Variants in TSKS observed in about 807,000 individuals in gnomAD.
TSKS encodes the protein testis specific serine kinase substrate.
A neutral mutation model predicts 68.0 loss-of-function variants in TSKS; 27 were observed. The ratio of observed to expected loss-of-function variants is 0.40; its 90% confidence interval spans 0.29 to 0.55. TSKS has a LOEUF of 0.55. TSKS is among the 20% of genes least tolerant of loss of function. The pLI is 0.53. For missense variants in TSKS, 806 were observed against 776.0 expected (o/e 1.04, Z -0.46); for synonymous variants, 331 against 340.4 (o/e 0.97, Z 0.30).
intron 1 of TSKS, among the ~76,000 whole-genome samples, chr19:49,762,485 G>A (rs1248435608): frequency 3.4e-5 from 5 of 146,952 alleles, no homozygotes; most frequent in Non-Finnish European, 7.4e-5. Flanking sequence ...GTGCAGTGGC[G>A]CGATCTCAGC....
At chr19:49,759,208 T>C (rs112289524) in intron 2 of TSKS, among the ~76,000 whole-genome samples, 18,429 of 151,000 alleles carry the variant, frequency 0.12, 1,450 homozygotes, top group African/African-American at 0.21. Context: ...CGGTGGCTCA[T>C]GCCTGTAATC....
rs748716590 is a variant in TSKS, at chr19:49,746,519, C to A, written c.943G>T (p.Val315Leu). The A allele has an allele frequency of 3.1e-6, 5 of 1,613,884 alleles. No individual in the cohort carries two copies. The highest frequency in any genetic ancestry group is 3.3e-5 in the Admixed American group (2 of 60,030). Reference protein sequence around the residue: ...MGPRAGEGPYVSEQELQKLFT... With the variant: ...MGPRAGEGPYLSEQELQKLFT... Reference sequence around the variant, plus strand: ...AGCTTCTGCAATTCCTGCTCGCTCACGTAGGGGCCCTCGCCAGCCCGAGGC... The same window carrying A: ...AGCTTCTGCAATTCCTGCTCGCTCAAGTAGGGGCCCTCGCCAGCCCGAGGC... The change falls in exon 6 of 11, where the codon GTG becomes TTG. Residue 315 changes from valine (V) to leucine (L), a missense_variant. By Grantham distance (32) the Val-to-Leu change is conservative (BLOSUM62 1). Coordinates refer to ENST00000246801, the MANE Select transcript of TSKS (RefSeq NM_021733.2).
In TSKS at chr19:49,739,852, C is replaced by A. The variant is rs774484212; in HGVS notation, c.1703G>T (p.Gly568Val). 6.2e-7 allele frequency: 1 copy of A among 1,614,004 alleles called. No individual in the cohort carries two copies. The highest frequency in any genetic ancestry group is 1.1e-5 in the South Asian group (1 of 91,074). Reference protein sequence around the residue: ...HDHLSNLPLEGSTGTMGGGSS... With the variant: ...HDHLSNLPLEVSTGTMGGGSS... ...GCCTCCCCCCATTGTTCCCGTGGAC[C>A]CCTCAAGTGGCAGGTTGCTGAGATG... Residue 568 changes from glycine to valine, a missense_variant, in exon 11 of 11, where the codon GGG becomes GTG. Coordinates refer to ENST00000246801, the MANE Select transcript of TSKS (RefSeq NM_021733.2).
intron 2 of TSKS, among the ~76,000 whole-genome samples, chr19:49,758,510 G>A (rs2084411817): frequency 1.3e-5 from 2 of 152,182 alleles, no homozygotes; most frequent in Admixed American, 6.5e-5. Flanking sequence ...TCTGGTGGGA[G>A]GCAAACGGCT....
chr19:49,740,995 G>T (rs544168388), intron 9 of TSKS, among the ~76,000 whole-genome samples: 49 of 152,154 alleles, frequency 3.2e-4, no homozygotes, highest in African/African-American at 1.2e-3. Flanking sequence ...TGACTAACAC[G>T]GTGAAACCCT....
chr19:49,746,665 G>A lies in TSKS; in HGVS notation c.797C>T (p.Ala266Val). 2 of 1,605,794 alleles carry A rather than the reference G, an allele frequency of 1.2e-6. No individual in the cohort carries two copies. The highest frequency in any genetic ancestry group is 2.2e-5 in the South Asian group (2 of 90,992). Reference sequence around the variant, plus strand: ...GCCCAGGCTGTTCCAGGAGAGGCCAGCCTCCGGCTTCTGCTTCTCCTCCGG... The same window carrying A: ...GCCCAGGCTGTTCCAGGAGAGGCCAACCTCCGGCTTCTGCTTCTCCTCCGG... ...QEPEEKQKPE[A>V]GLSWNSLGPA... The change falls in exon 6 of 11, where the codon GCT becomes GTT. Residue 266 changes from alanine (A) to valine (V), a missense_variant. Physicochemically the swap from Ala to Val is moderately conservative, Grantham distance 64. Coordinates refer to ENST00000246801, the MANE Select transcript of TSKS (RefSeq NM_021733.2).
At position 49,763,015 on chromosome 19, in the gene TSKS, C is replaced by T; in HGVS notation, c.170+63G>A. The T allele has an allele frequency of 6.5e-7, 1 of 1,543,168 alleles. No homozygotes were observed. The highest frequency in any genetic ancestry group is 8.7e-7 in the Non-Finnish European group (1 of 1,145,164). ...TTCCTCTAGCACCCACAGTCGGACT[C>T]CTGCTCTGTTGGAGGTAGTGCTGGG... On this transcript the variant is annotated intron_variant, in intron 1 of 10. Transcript: ENST00000246801. This position sits in a 1 kb window ranked among gnomAD's most constrained non-coding sequence, Gnocchi z 4.5.
At chr19:49,748,591 G>T in intron 2 of TSKS, 122 bp from the exon 3 acceptor site, 1 of 866,384 alleles carries the variant, frequency 1.2e-6, no homozygotes, top group Non-Finnish European at 1.8e-6. Flanking sequence ...ATGGCTATGT[G>T]ACTTGGAGCC....
intron 7 of TSKS, among the ~76,000 whole-genome samples, chr19:49,744,918 C>A (rs2084283374): frequency 6.6e-6 from 1 of 152,012 alleles, no homozygotes; most frequent in African/African-American, 2.4e-5. Context: ...TTTGGAATGC[C>A]CCTCCTAGTT....
chr19:49,743,141 C>T (rs1379102044), intron 8 of TSKS, among the ~76,000 whole-genome samples: 2 of 150,984 alleles, frequency 1.3e-5, no homozygotes, highest in Non-Finnish European at 1.5e-5. Flanking sequence ...TGAAATGGCA[C>T]GATCTTGGCT....
intron 8 of TSKS, among the ~76,000 whole-genome samples, chr19:49,742,261 A>T (rs1171311225): frequency 7.2e-6 from 1 of 139,656 alleles, no homozygotes; most frequent in Non-Finnish European, 1.6e-5. Context: ...GCAGTGGCGC[A>T]ATCTTGGCTC....
At chr19:49,743,620 T>C (rs1229181762) in intron 8 of TSKS, among the ~76,000 whole-genome samples, 2 of 151,220 alleles carry the variant, frequency 1.3e-5, no homozygotes, top group Non-Finnish European at 2.9e-5. Context: ...GCCTCAGCCT[T>C]CCTAGTAGCT....
chr19:49,762,965 G>A (rs750958909), intron 1 of TSKS, 113 bp downstream of exon 1: 196 of 1,366,734 alleles, frequency 1.4e-4, no homozygotes, highest in African/African-American at 4.0e-4. Flanking sequence ...TCCTGCCCCC[G>A]ACCTGCTGGC....
intron 2 of TSKS, 150 bp from the exon 3 acceptor site, chr19:49,748,619 T>C (rs544264178): frequency 1.5e-6 from 1 of 687,110 alleles, no homozygotes; most frequent in African/African-American, 1.8e-5. Context: ...ATACCTCTGA[T>C]TCTTAGCATT....
At position 49,746,481 on chromosome 19, in the gene TSKS, G is replaced by A; in HGVS notation, c.981C>T (p.Ile327=). ...EQELQKLFTG[I]EELRREVSSL... ...TAGGTCCCGCCCACCTCAGCTCTTC[G>A]ATGCCGGTGAACAGCTTCTGCAATT... Residue 327 remains isoleucine, a synonymous_variant, in exon 6 of 11, where the codon ATC becomes ATT. Coordinates refer to ENST00000246801, the MANE Select transcript of TSKS (RefSeq NM_021733.2). The A allele has an allele frequency of 6.2e-7, 1 of 1,613,904 alleles. No homozygotes were observed. Among genetic ancestry groups the A allele is most frequent in the Non-Finnish European group, 8.5e-7 (1 of 1,179,940 alleles).
rs745313484 is a variant in TSKS at position 49,763,224 on chromosome 19, C to T, written c.24G>A (p.Thr8=). MASVVVK[T]IWQSKEIHEA... ...CATGGATCTCTTTGGACTGCCAGATCGTCTTCACCACCACGCTCGCCATGG... is the reference window on the plus strand; with the variant it reads ...CATGGATCTCTTTGGACTGCCAGATTGTCTTCACCACCACGCTCGCCATGG... The change falls in exon 1 of 11, where the codon ACG becomes ACA. Residue 8 remains threonine (T), a synonymous_variant. Transcript: ENST00000246801. The surrounding 1 kb of genome is among the most constrained non-coding windows in gnomAD (Gnocchi z 4.5). 42 of 1,519,270 alleles carry T rather than the reference C, an allele frequency of 2.8e-5. 1 individual carries two copies. In the South Asian group the frequency reaches 4.8e-4, roughly 17 times the overall value. 94.1% of individuals were successfully genotyped at this position (1,519,270 alleles called of 1,614,324 possible).
intron 2 of TSKS, among the ~76,000 whole-genome samples, chr19:49,760,940 T>A (rs1007634986): frequency 2.0e-5 from 3 of 151,848 alleles, no homozygotes; most frequent in African/African-American, 7.3e-5. Context: ...AATACAAAAT[T>A]AGCTGGGTGT....
At chr19:49,744,721 C>T (rs1424100883) in intron 7 of TSKS, among the ~76,000 whole-genome samples, 2 of 152,052 alleles carry the variant, frequency 1.3e-5, no homozygotes, top group African/African-American at 4.8e-5. Flanking sequence ...GTGGCTAGGA[C>T]TACCAGGGTG....
Position 49,745,248 on chromosome 19 carries a change from G to A in TSKS, c.1141C>T (p.Arg381Trp), listed in dbSNP as rs530946536. 42 of 1,607,554 alleles carry A rather than the reference G, an allele frequency of 2.6e-5. No homozygotes were observed. The highest frequency in any genetic ancestry group is 1.7e-4 in the Admixed American group (10 of 59,864). The stretch of plus-strand genomic sequence containing the variant: ...CGACCTCGCAGCTCCTGCAAGTCCC[G>A]CGCCGTCTGTGCCTGTTCGCGCTGT... ...RAQREQAQTARDLQELRGRAD... is the reference protein window; with the variant it reads ...RAQREQAQTAWDLQELRGRAD... The change falls in exon 7 of 11, where the codon CGG (arginine) becomes TGG (tryptophan). Residue 381 changes from arginine (R) to tryptophan (W), a missense_variant. Physicochemically the swap from Arg to Trp is moderately radical, Grantham distance 101. Transcript: ENST00000246801.
Sources: allele counts gnomAD v4.1 joint callset (sites outside exome capture counted in the v4.1 genomes callset), GRCh38; gene constraint gnomAD v4.1.1; non-coding constraint Gnocchi (gnomAD v3.1); transcripts MANE v1.5; gene names NCBI Gene and HGNC (gene_info 2026-07-23, HGNC 2026-07-21).